TNKS: variants seen among roughly 807,000 people sequenced by gnomAD.
TNKS encodes the protein poly [ADP-ribose] polymerase tankyrase-1.
In TNKS, 72 loss-of-function variants were observed where a neutral mutation model predicts 135.8. The observed-to-expected ratio is 0.53, with a 90% CI of 0.44 to 0.64. The LOEUF (loss-of-function observed/expected upper bound fraction) is 0.64, where lower values mean the gene tolerates loss of function less well. TNKS is among the 30% of genes least tolerant of loss of function. The probability of loss-of-function intolerance (pLI) is 0.00; values close to 1 mark genes in which losing one functional copy is unlikely to be tolerated. For missense variants in TNKS, 1,769 were observed against 1,674.0 expected (o/e 1.06, Z -0.99); for synonymous variants, 849 against 649.3 (o/e 1.31, Z -4.68).
intron 18 of TNKS, 79 bp from the exon 19 acceptor site, chr8:9,751,530 A>G: frequency 9.0e-6 from 12 of 1,332,092 alleles, no homozygotes; most frequent in Non-Finnish European, 1.0e-5. Context: ...AAATCCACAA[A>G]GTATTTGGTT....
chr8:9,595,063 C>G (rs186119484), intron 2 of TNKS, among the ~76,000 whole-genome samples: 116 of 152,192 alleles, frequency 7.6e-4, no homozygotes, highest in African/African-American at 2.6e-3. Context: ...CTTTCCTTTT[C>G]CTGCCAGAAT....
At chr8:9,765,194 C>A (rs1429530695) in intron 23 of TNKS, among the ~76,000 whole-genome samples, 1 of 152,106 alleles carries the variant, frequency 6.6e-6, no homozygotes, top group Admixed American at 6.5e-5. Context: ...TTCTTAATCT[C>A]GGTATCTCAA....
At chr8:9,560,523 T>TTTTTTTTC (rs1797283988) in intron 1 of TNKS, among the ~76,000 whole-genome samples, 1 of 124,112 alleles carries the variant, frequency 8.1e-6, no homozygotes, top group African/African-American at 2.9e-5. Flanking sequence ...TTTTTTTTTT[T>TTTTTTTTC]CATTTCTCGC....
intron 3 of TNKS, among the ~76,000 whole-genome samples, chr8:9,671,596 A>T (rs1802272110): frequency 6.6e-6 from 1 of 152,082 alleles, no homozygotes; most frequent in Non-Finnish European, 1.5e-5. Context: ...CCATGGAGGG[A>T]GGGGGATTGG....
chr8:9,595,684 A>C (rs539659573), intron 2 of TNKS, among the ~76,000 whole-genome samples: 62 of 152,328 alleles, frequency 4.1e-4, no homozygotes, highest in Non-Finnish European at 5.4e-4. Flanking sequence ...TGGAAAAAGC[A>C]AAAAACTAGA....
chr8:9,555,935 C>A lies in TNKS; in HGVS notation c.-5C>A. 1 of 1,607,314 alleles carries A rather than the reference C, an allele frequency of 6.2e-7. No individual in the cohort carries two copies. The highest frequency in any genetic ancestry group is 8.5e-7 in the Non-Finnish European group (1 of 1,177,146). On this transcript the variant is annotated 5_prime_UTR_variant, in exon 1 of 27. Transcript: ENST00000310430. ...CCGCAGTGACAGTGCTAGGGGAGTC[C>A]GAAGATGGCGGCGTCGCGTCGCTCT...
intron 1 of TNKS, among the ~76,000 whole-genome samples, chr8:9,574,655 C>T (rs1797874389): frequency 6.6e-6 from 1 of 152,122 alleles, no homozygotes; most frequent in Non-Finnish European, 1.5e-5. Flanking sequence ...TGGTTATGTA[C>T]CCCAAATTTA....
At position 9,660,508 on chromosome 8, in the gene TNKS, G is replaced by A. The variant is rs371996478; in HGVS notation, c.995-19443G>A. ...AAACCACATGATTATCTCAATAGAT[G>A]CAGAAAAGGCCTTTGACAAAATTCA... On this transcript the variant is annotated intron_variant, in intron 3 of 26. Coordinates refer to ENST00000310430, the MANE Select transcript of TNKS (RefSeq NM_003747.3). Among the ~76,000 whole-genome samples the A allele has an allele frequency of 1.6e-3, 240 of 152,302 alleles. 2 individuals are homozygous for A. The highest frequency in any genetic ancestry group is 2.9e-3 in the Non-Finnish European group (198 of 68,018).
rs560028551 is a variant in TNKS at position 9,559,900 on chromosome 8, A to G, written c.673+3288A>G. Among the ~76,000 whole-genome samples the G allele has an allele frequency of 1.9e-4, 29 of 152,288 alleles. No individual in the cohort carries two copies. In the South Asian group the frequency reaches 6.0e-3, roughly 32 times the overall value. Reference sequence around the variant, plus strand: ...ACTGTGTTAATAATGGAATCATCCTATCTGCAGTTAAGACAAAATCTTGTT... The same window carrying G: ...ACTGTGTTAATAATGGAATCATCCTGTCTGCAGTTAAGACAAAATCTTGTT... On this transcript the variant is annotated intron_variant, in intron 1 of 26. Coordinates refer to ENST00000310430, the MANE Select transcript of TNKS (RefSeq NM_003747.3).
chr8:9,650,663 GT>G (rs1273503294), intron 3 of TNKS, among the ~76,000 whole-genome samples: 2 of 151,422 alleles, frequency 1.3e-5, no homozygotes, highest in South Asian at 2.1e-4. Flanking sequence ...GATGGGGTTG[GT>G]TTTTTTTCTT....
intron 3 of TNKS, among the ~76,000 whole-genome samples, chr8:9,668,691 A>G (rs1354499817): frequency 1.3e-5 from 2 of 152,344 alleles, no homozygotes; most frequent in Middle Eastern, 3.4e-3. Flanking sequence ...GTTTGTGGCA[A>G]GATTTTAACA....
In TNKS at chr8:9,710,282, C is replaced by A. The variant is rs973797477; in HGVS notation, c.1749+62C>A. 2.7e-6 allele frequency: 4 copies of A among 1,463,908 alleles called. No homozygotes were observed. In the Admixed American group the frequency reaches 5.1e-5, roughly 19 times the overall value. The allele number at this position is 1,463,908 out of a possible 1,614,324, so 90.7% of individuals were successfully genotyped here. ...ACTGAGCAGCCAGCTGCTCTTAACACTGCTTCTCTCTCTCCGATTTTTCTG... is the reference window on the plus strand; with the variant it reads ...ACTGAGCAGCCAGCTGCTCTTAACAATGCTTCTCTCTCTCCGATTTTTCTG... On this transcript the variant is annotated intron_variant, in intron 11 of 26. Coordinates refer to ENST00000310430, the MANE Select transcript of TNKS (RefSeq NM_003747.3).
At chr8:9,720,583 C>G (rs751684276) in intron 12 of TNKS, 38 bp downstream of exon 12, 47 of 1,570,918 alleles carry the variant, frequency 3.0e-5, no homozygotes, top group Middle Eastern at 1.9e-4. Flanking sequence ...TTTATGTTTT[C>G]TCTTCCATCC....
At chr8:9,625,463 G>A (rs1031155743) in intron 3 of TNKS, among the ~76,000 whole-genome samples, 1 of 151,254 alleles carries the variant, frequency 6.6e-6, no homozygotes, top group East Asian at 1.9e-4. Context: ...CTGGGTTTTT[G>A]AGGTAGGAGC....
intron 2 of TNKS, among the ~76,000 whole-genome samples, chr8:9,594,125 G>A (rs566942279): frequency 6.6e-6 from 1 of 152,192 alleles, no homozygotes; most frequent in South Asian, 2.1e-4. Context: ...GACCTCAGGC[G>A]GTCCACCTGC....
At chr8:9,682,134 G>A (rs1802807792) in intron 5 of TNKS, among the ~76,000 whole-genome samples, 1 of 152,016 alleles carries the variant, frequency 6.6e-6, no homozygotes, top group Non-Finnish European at 1.5e-5. Context: ...GATTTTATTT[G>A]GATTCTCCAA....
chr8:9,580,104 G>GCAAA (rs1798111535), intron 1 of TNKS, 55 bp from the exon 2 acceptor site: 2 of 1,447,286 alleles, frequency 1.4e-6, no homozygotes, highest in African/African-American at 2.8e-5. Context: ...ATATTCTAAT[G>GCAAA]GTTCTTTTTA....
chr8:9,726,636 T>A lies in TNKS; in HGVS notation c.1922-5T>A. The A allele has an allele frequency of 6.2e-7, 1 of 1,601,312 alleles. No homozygotes were observed. Among genetic ancestry groups the A allele is most frequent in the East Asian group, 2.2e-5 (1 of 44,690 alleles). On this transcript the variant is annotated splice_region_variant and splice_polypyrimidine_tract_variant and intron_variant, in intron 12 of 26. Transcript: ENST00000310430. ...TATATGAGTTCTTTCCTTCCTTTTA[T>A]GCAGAGAGTACACCTATACGTACTT...
intron 3 of TNKS, among the ~76,000 whole-genome samples, chr8:9,646,805 C>T (rs867101932): frequency 5.9e-5 from 9 of 152,066 alleles, no homozygotes; most frequent in Admixed American, 2.0e-4. Context: ...TCTCTTTCCC[C>T]GTTAGTCCTA....
Sources: allele counts gnomAD v4.1 joint callset (sites outside exome capture counted in the v4.1 genomes callset), GRCh38; gene constraint gnomAD v4.1.1; transcripts MANE v1.5; gene names NCBI Gene and HGNC (gene_info 2026-07-23, HGNC 2026-07-21).